Variants in THADA observed in about 807,000 individuals in gnomAD.
THADA encodes the protein THADA armadillo repeat containing.
In THADA, 213 loss-of-function variants were observed where a neutral mutation model predicts 219.8. The observed-to-expected ratio is 0.97, with a 90% CI of 0.87 to 1.09. The LOEUF (loss-of-function observed/expected upper bound fraction) is 1.09, where lower values mean the gene tolerates loss of function less well. Ranked by LOEUF, THADA falls within the 50% of genes least tolerant of loss-of-function variation. The pLI is 0.00. For synonymous variants in THADA, 1,018 were observed against 828.9 expected (o/e 1.23, Z -3.92); for missense variants, 2,956 against 2,311.3 (o/e 1.28, Z -5.72).
At chr2:43,532,570 C>G (rs113156595) in intron 21 of THADA, among the ~76,000 whole-genome samples, 15,414 of 152,106 alleles carry the variant, frequency 0.1, 848 homozygotes, top group South Asian at 0.14. Context: ...GCTAAAAACT[C>G]TCAATAAACT....
chr2:43,382,167 C>G (rs767979646), intron 29 of THADA, among the ~76,000 whole-genome samples: 1 of 152,056 alleles, frequency 6.6e-6, no homozygotes, highest in Non-Finnish European at 1.5e-5. Context: ...ATGTGGTAAC[C>G]TGGATGGGAT....
At chr2:43,367,448 C>T (rs1482769830) in intron 29 of THADA, among the ~76,000 whole-genome samples, 2 of 152,138 alleles carry the variant, frequency 1.3e-5, no homozygotes, top group Non-Finnish European at 2.9e-5. Flanking sequence ...TTTCTGACTA[C>T]AGGATTCTTC....
intron 1 of THADA, among the ~76,000 whole-genome samples, chr2:43,594,823 C>G (rs1295823915): frequency 6.6e-6 from 1 of 152,174 alleles, no homozygotes; most frequent in African/African-American, 2.4e-5. Flanking sequence ...TCTCACCATT[C>G]ATGTTTCTGC....
intron 28 of THADA, among the ~76,000 whole-genome samples, chr2:43,416,222 T>C (rs1676950543): frequency 6.6e-6 from 1 of 152,210 alleles, no homozygotes. Flanking sequence ...AAAAGACAGA[T>C]TATTGTCTGA....
At chr2:43,398,402 A>C (rs1387458810) in intron 28 of THADA, among the ~76,000 whole-genome samples, 2 of 152,246 alleles carry the variant, frequency 1.3e-5, no homozygotes, top group African/African-American at 4.8e-5. Context: ...ATAAACAGGT[A>C]GTAGCAAAAA....
Position 43,572,919 on chromosome 2 carries a change from C to T in THADA, c.1803G>A (p.Leu601=). The T allele has an allele frequency of 6.2e-7, 1 of 1,613,970 alleles. No individual in the cohort carries two copies. The highest frequency in any genetic ancestry group is 1.6e-4 in the Middle Eastern group (1 of 6,062). ...GATGTCCATGAGCTCTAGCTATTCG[C>T]AGACATGCCATCAAAGCTCCCAGAG... ...RGALGALMAC[L]RIARAHGHLQ... The change falls in exon 12 of 38, where the codon CTG becomes CTA. Residue 601 remains leucine, a synonymous_variant. Coordinates refer to ENST00000405975, the MANE Select transcript of THADA (RefSeq NM_022065.5).
At chr2:43,467,621 TCTC>T (rs1444175903) in intron 26 of THADA, among the ~76,000 whole-genome samples, 3 of 152,204 alleles carry the variant, frequency 2.0e-5, no homozygotes, top group African/African-American at 7.2e-5. Flanking sequence ...TGCAGAGACT[TCTC>T]CTGAAAGTTG....
chr2:43,493,989 T>C (rs1007072728), intron 25 of THADA, among the ~76,000 whole-genome samples: 9 of 152,126 alleles, frequency 5.9e-5, no homozygotes, highest in African/African-American at 2.2e-4. Context: ...TTCAACACAG[T>C]AGAAGTCATT....
At chr2:43,344,774 T>G (rs1184217730) in intron 29 of THADA, among the ~76,000 whole-genome samples, 2 of 152,132 alleles carry the variant, frequency 1.3e-5, no homozygotes, top group Non-Finnish European at 2.9e-5. Flanking sequence ...TTTTGTTTTT[T>G]TTTTTTAGCA....
chr2:43,471,653 A>T lies in THADA; in HGVS notation c.3836+13581T>A, dbSNP rs370850610. Among the ~76,000 whole-genome samples, 15 of 152,340 alleles carry T rather than the reference A, an allele frequency of 9.8e-5. 1 individual carries two copies. Among genetic ancestry groups the T allele is most frequent in the African/African-American group, 3.6e-4 (15 of 41,566 alleles). ...AAGCATTTCCTAATATATAGGCTAA[A>T]ACATATACATCATAGACAGAACATG... is the stretch of plus-strand genomic sequence containing the variant. On this transcript the variant is annotated intron_variant, in intron 26 of 37. Coordinates refer to ENST00000405975, the MANE Select transcript of THADA (RefSeq NM_022065.5).
intron 26 of THADA, among the ~76,000 whole-genome samples, chr2:43,469,559 G>C (rs562832668): frequency 3.3e-5 from 5 of 152,038 alleles, no homozygotes; most frequent in African/African-American, 1.2e-4. Context: ...TACATAACTG[G>C]TAAATTTGTA....
At chr2:43,481,489 T>C (rs1056836990) in intron 26 of THADA, among the ~76,000 whole-genome samples, 2 of 152,188 alleles carry the variant, frequency 1.3e-5, no homozygotes, top group Non-Finnish European at 2.9e-5. Flanking sequence ...GTACCCCAAA[T>C]CTACTCATTT....
Position 43,585,580 on chromosome 2 carries a change from A to AT in THADA, c.533+820_533+821insA, listed in dbSNP as rs58368830. Among the ~76,000 whole-genome samples, 31 of 151,544 alleles carry AT rather than the reference A, an allele frequency of 2.0e-4. 2 individuals carry two copies. The East Asian group carries it at 5.4e-3, about 26-fold the overall frequency. On this transcript the variant is annotated intron_variant, in intron 7 of 37. Coordinates refer to ENST00000405975, the MANE Select transcript of THADA (RefSeq NM_022065.5). ...GATAGATAGATAGATAGATAGATAG[A>AT]AAGAAATACATAATTGCCCAGCCAA...
At chr2:43,368,566 ATT>A (rs879310850) in intron 29 of THADA, among the ~76,000 whole-genome samples, 1 of 142,920 alleles carries the variant, frequency 7.0e-6, no homozygotes, top group African/African-American at 2.6e-5. Context: ...ATGTCCGGCT[ATT>A]TTTTTTTTTT....
chr2:43,350,221 TG>T (rs1287569857), intron 29 of THADA, among the ~76,000 whole-genome samples: 10 of 152,194 alleles, frequency 6.6e-5, no homozygotes, highest in Non-Finnish European at 1.3e-4. Context: ...AAGTATTTTA[TG>T]GCTCTAGGTC....
chr2:43,460,451 C>T (rs1683499743), intron 26 of THADA, among the ~76,000 whole-genome samples: 1 of 152,014 alleles, frequency 6.6e-6, no homozygotes, highest in Admixed American at 6.6e-5. Flanking sequence ...ATCTCCACTA[C>T]CAAGTTGAAA....
chr2:43,457,572 T>TA (rs1395230218), intron 26 of THADA, among the ~76,000 whole-genome samples: 2 of 152,174 alleles, frequency 1.3e-5, no homozygotes, highest in Admixed American at 1.3e-4. Flanking sequence ...AAGGAACAGT[T>TA]ACTGATAGTT....
intron 22 of THADA, among the ~76,000 whole-genome samples, chr2:43,514,440 G>C (rs1377536518): frequency 7.1e-6 from 1 of 140,366 alleles, no homozygotes; most frequent in East Asian, 2.0e-4. Flanking sequence ...GACAGAGTGA[G>C]ACCCTGTCTT....
intron 25 of THADA, among the ~76,000 whole-genome samples, chr2:43,491,837 C>T (rs72790938): frequency 6.6e-5 from 10 of 152,100 alleles, no homozygotes; most frequent in Admixed American, 6.5e-5. Flanking sequence ...ATCCTTCTCA[C>T]GAGGGAAGCA....
Sources: allele counts gnomAD v4.1 joint callset (sites outside exome capture counted in the v4.1 genomes callset), GRCh38; gene constraint gnomAD v4.1.1; transcripts MANE v1.5; gene names NCBI Gene and HGNC (gene_info 2026-07-23, HGNC 2026-07-21).